PPP1R12A: variants seen among roughly 807,000 people sequenced by gnomAD.
PPP1R12A encodes myosin binding subunit.
PPP1R12A carries 19 observed loss-of-function variants against 139.6 expected under a neutral mutation model. The ratio of observed to expected loss-of-function variants is 0.14; its 90% CI spans 0.09 to 0.20. PPP1R12A has a LOEUF of 0.20. Among genes scored for constraint, PPP1R12A ranks in the 10% least tolerant of loss-of-function variants. The pLI, the probability that PPP1R12A is intolerant of heterozygous loss-of-function variation, is 1.00. For synonymous variants in PPP1R12A, 427 were observed against 420.6 expected (o/e 1.02, Z -0.19); for missense variants, 925 against 1,211.5 (o/e 0.76, Z 3.51).
In PPP1R12A at chr12:79,872,881, T is replaced by C. The variant is rs1351714951; in HGVS notation, c.295A>G (p.Ile99Val). 26 of 1,613,400 alleles carry C rather than the reference T, an allele frequency of 1.6e-5. No homozygotes were observed. Among genetic ancestry groups the C allele is most frequent in the Non-Finnish European group, 1.9e-5 (22 of 1,179,634 alleles). Residue 99 changes from isoleucine to valine, a missense_variant, in exon 2 of 25, where the codon ATT becomes GTT. Ile to Val is a conservative substitution (Grantham distance 29). Transcript: ENST00000450142. Reference protein sequence around the residue: ...VKFLVENGANINQPDNEGWIP... With the variant: ...VKFLVENGANVNQPDNEGWIP... ...CAGCCTTCATTATCAGGTTGATTAATATTTGCTCCATTTTCTACCAGAAAC... is the reference window on the plus strand; with the variant it reads ...CAGCCTTCATTATCAGGTTGATTAACATTTGCTCCATTTTCTACCAGAAAC...
chr12:79,851,767 T>C (rs893312068), intron 2 of PPP1R12A, among the ~76,000 whole-genome samples: 2 of 152,232 alleles, frequency 1.3e-5, no homozygotes, highest in Non-Finnish European at 1.5e-5. Flanking sequence ...TCTGATGGCA[T>C]AGATGTTTGC....
intron 24 of PPP1R12A, 32 bp downstream of exon 24, chr12:79,778,518 A>C: frequency 7.2e-7 from 1 of 1,389,882 alleles, no homozygotes. Flanking sequence ...CATAAACAGC[A>C]CTCTCTCTCA....
At chr12:79,788,564 T>C (rs2136997429) in intron 21 of PPP1R12A, 84 bp downstream of exon 21, 12 of 1,250,910 alleles carry the variant, frequency 9.6e-6, no homozygotes, top group Non-Finnish European at 1.3e-5. Context: ...CTCATTTCAT[T>C]ATGAGTTTTT....
intron 3 of PPP1R12A, among the ~76,000 whole-genome samples, chr12:79,840,161 T>C (rs1267304738): frequency 6.6e-6 from 1 of 152,194 alleles, no homozygotes; most frequent in Non-Finnish European, 1.5e-5. Flanking sequence ...CTGTATGATC[T>C]TGGGTAAATC....
At chr12:79,897,834 C>T (rs982713071) in intron 1 of PPP1R12A, among the ~76,000 whole-genome samples, 2 of 152,200 alleles carry the variant, frequency 1.3e-5, no homozygotes, top group Admixed American at 1.3e-4. Context: ...CTTGCCTCCT[C>T]TTTACTTCAA....
chr12:79,775,207 T>C lies in PPP1R12A; in HGVS notation c.*722A>G, dbSNP rs1869601692. 1 of 152,376 alleles carries C rather than the reference T, an allele frequency of 6.6e-6. No individual in the cohort carries two copies. Among genetic ancestry groups the C allele is most frequent in the South Asian group, 2.1e-4 (1 of 4,830 alleles). The allele number at this position is 152,376 out of a possible 1,614,324, so 9.4% of individuals were successfully genotyped here. ...TGACCAATGAAGCAGAAAATAGGAA[T>C]TAAAAGATCTAACCTCAAATGACTT... is the stretch of plus-strand genomic sequence containing the variant. On this transcript the variant is annotated 3_prime_UTR_variant, in exon 25 of 25. Coordinates refer to ENST00000450142, the MANE Select transcript of PPP1R12A (RefSeq NM_002480.3).
chr12:79,810,731 TA>T (rs35338700), intron 9 of PPP1R12A, among the ~76,000 whole-genome samples: 31,621 of 151,976 alleles, frequency 0.21, 5,886 homozygotes, highest in African/African-American at 0.49. Flanking sequence ...CTAAAGCAAT[TA>T]AAAGGCATAC....
intron 5 of PPP1R12A, 97 bp downstream of exon 5, chr12:79,828,223 G>T: frequency 9.7e-7 from 1 of 1,035,308 alleles, no homozygotes; most frequent in Non-Finnish European, 1.3e-6. Context: ...ATTATATAAT[G>T]TAATCCTTAT....
chr12:79,810,982 A>G (rs1292165441), intron 9 of PPP1R12A, among the ~76,000 whole-genome samples: 3 of 152,150 alleles, frequency 2.0e-5, no homozygotes, highest in African/African-American at 7.2e-5. Context: ...ACAAATATTT[A>G]TGCTATTTTA....
intron 16 of PPP1R12A, 86 bp from the exon 17 acceptor site, chr12:79,797,036 AAGT>A: frequency 6.9e-7 from 1 of 1,442,880 alleles, no homozygotes; most frequent in Non-Finnish European, 9.4e-7. Flanking sequence ...TTCAAAGAAA[AAGT>A]AGTATACTAA....
At chr12:79,862,049 C>T (rs1881394743) in intron 2 of PPP1R12A, among the ~76,000 whole-genome samples, 1 of 152,110 alleles carries the variant, frequency 6.6e-6, no homozygotes, top group East Asian at 1.9e-4. Context: ...GGCTGGGAGA[C>T]ACCTCCCAGC....
chr12:79,876,136 C>G (rs988808358), intron 1 of PPP1R12A, among the ~76,000 whole-genome samples: 1 of 152,160 alleles, frequency 6.6e-6, no homozygotes, highest in Non-Finnish European at 1.5e-5. Flanking sequence ...CAACTCTCAC[C>G]TTTTTGGTAT....
At position 79,917,731 on chromosome 12, in the gene PPP1R12A, A is replaced by G. The variant is rs554383285; in HGVS notation, c.237+16964T>C. ...AAAAAACATTAAATCTATTAGACAT[A>G]AAAAGTGTATAAAGGTGTTAGGTTT... On this transcript the variant is annotated intron_variant, in intron 1 of 24. Coordinates refer to ENST00000450142, the MANE Select transcript of PPP1R12A (RefSeq NM_002480.3). Among the ~76,000 whole-genome samples the G allele has an allele frequency of 4.6e-5, 7 of 152,304 alleles. No homozygotes were observed. The East Asian group carries it at 1.4e-3, about 29-fold the overall frequency.
intron 1 of PPP1R12A, among the ~76,000 whole-genome samples, chr12:79,929,326 C>G (rs956111849): frequency 6.6e-6 from 1 of 152,154 alleles, no homozygotes; most frequent in East Asian, 1.9e-4. Context: ...CACGGCCCAG[C>G]GTTTGTGAAC....
chr12:79,840,362 C>T (rs1232078990), intron 3 of PPP1R12A, among the ~76,000 whole-genome samples: 1 of 152,198 alleles, frequency 6.6e-6, no homozygotes, highest in Non-Finnish European at 1.5e-5. Context: ...TTTTCGTCTC[C>T]AGGGTCATCT....
rs1485270298 is a variant in PPP1R12A at position 79,930,097 on chromosome 12, G to GT, written c.237+4597dup. The stretch of plus-strand genomic sequence containing the variant: ...ACACAAACACTATTCAGTAAAAAGT[G>GT]TTTTTATTGCAGGAGAGGCAGAATA... On this transcript the variant is annotated intron_variant, in intron 1 of 24. Coordinates refer to ENST00000450142, the MANE Select transcript of PPP1R12A (RefSeq NM_002480.3). Among the ~76,000 whole-genome samples the GT allele has an allele frequency of 2.0e-5, 3 of 152,284 alleles. No homozygotes were observed. In the East Asian group the frequency reaches 5.8e-4, roughly 29 times the overall value.
intron 3 of PPP1R12A, among the ~76,000 whole-genome samples, chr12:79,842,358 A>C (rs1404607165): frequency 4.6e-5 from 7 of 152,174 alleles, no homozygotes; most frequent in Admixed American, 2.0e-4. Flanking sequence ...TCCTAATCCC[A>C]AGGAATAAAA....
At chr12:79,914,231 A>G (rs1886818187) in intron 1 of PPP1R12A, among the ~76,000 whole-genome samples, 1 of 152,034 alleles carries the variant, frequency 6.6e-6, no homozygotes, top group Admixed American at 6.6e-5. Context: ...ATAACAGACA[A>G]AAAATTCAAA....
At chr12:79,910,504 C>T (rs528942015) in intron 1 of PPP1R12A, among the ~76,000 whole-genome samples, 20 of 150,438 alleles carry the variant, frequency 1.3e-4, no homozygotes, top group Admixed American at 9.9e-4. Context: ...TAAATAGAAC[C>T]TTAAAAAGTA....
Sources: allele counts gnomAD v4.1 joint callset (sites outside exome capture counted in the v4.1 genomes callset), GRCh38; gene constraint gnomAD v4.1.1; transcripts MANE v1.5; gene names NCBI Gene and HGNC (gene_info 2026-07-23, HGNC 2026-07-21).